SSUH2: variants seen among roughly 807,000 people sequenced by gnomAD.
The protein encoded by SSUH2 is protein SSUH2 homolog.
A neutral mutation model predicts 55.3 loss-of-function variants in SSUH2; 47 were observed. The ratio of observed to expected loss-of-function variants is 0.85; its 90% confidence interval spans 0.67 to 1.08. The LOEUF is 1.08. Among genes scored for constraint, SSUH2 ranks in the 50% least tolerant of loss-of-function variants. The probability of loss-of-function intolerance (pLI) is 0.00; values close to 1 mark genes in which losing one functional copy is unlikely to be tolerated. For synonymous variants in SSUH2, 212 were observed against 191.5 expected (o/e 1.11, Z -0.89); for missense variants, 535 against 490.7 (o/e 1.09, Z -0.85).
At chr3:8,675,752 G>C (rs1211474116) in intron 3 of SSUH2, among the ~76,000 whole-genome samples, 4 of 152,144 alleles carry the variant, frequency 2.6e-5, no homozygotes, top group Non-Finnish European at 5.9e-5. Context: ...CTGGGACCGG[G>C]AACCTTTGGA....
intron 6 of SSUH2, among the ~76,000 whole-genome samples, chr3:8,661,009 G>T (rs1703426558): frequency 1.3e-5 from 2 of 152,208 alleles, no homozygotes; most frequent in African/African-American, 4.8e-5. Flanking sequence ...AAGGGTAAAG[G>T]GTGACTCTGG....
chr3:8,642,482 T>C (rs547968041), intron 1 of SSUH2, among the ~76,000 whole-genome samples: 116 of 152,250 alleles, frequency 7.6e-4, no homozygotes, highest in African/African-American at 2.8e-3. Context: ...ACTATAGAAA[T>C]AGAACCAGAC....
chr3:8,625,678 A>G, intron 9 of SSUH2, 31 bp from the exon 10 acceptor site: 1 of 1,486,502 alleles, frequency 6.7e-7, no homozygotes, highest in Non-Finnish European at 9.4e-7. Flanking sequence ...GGATGAAAGC[A>G]CACAGTGTGG....
chr3:8,645,637 A>G (rs2125287632), upstream of SSUH2, among the ~76,000 whole-genome samples: 1 of 152,202 alleles, frequency 6.6e-6, no homozygotes, highest in African/African-American at 2.4e-5. Context: ...GGGTGATGAA[A>G]CTGCCCTACG....
intron 5 of SSUH2, among the ~76,000 whole-genome samples, chr3:8,667,404 TG>T (rs1483811758): frequency 2.6e-5 from 4 of 152,212 alleles, no homozygotes; most frequent in African/African-American, 9.6e-5. Flanking sequence ...AGGTCACTTT[TG>T]TCACCATCTT....
chr3:8,629,081 G>A (rs976914369), intron 7 of SSUH2, among the ~76,000 whole-genome samples: 2 of 152,048 alleles, frequency 1.3e-5, no homozygotes, highest in Non-Finnish European at 2.9e-5. Context: ...AGATGGTCTC[G>A]ATCTCTTGAC....
Position 8,678,724 on chromosome 3 carries a change from T to TA in SSUH2, c.-901+980_-901+981insT, listed in dbSNP as rs1553606719. On this transcript the variant is annotated intron_variant, in intron 2 of 18. Coordinates refer to the SSUH2 transcript ENST00000317371. ...CTCCTGGGTCTTAGGACCCCCAACGTGGGGGGGGGAGGCACCACACGCGAG... is the reference window on the plus strand; with the variant it reads ...CTCCTGGGTCTTAGGACCCCCAACGTAGGGGGGGGGAGGCACCACACGCGAG... Among the ~76,000 whole-genome samples, 13 of 19,336 alleles carry TA rather than the reference T, an allele frequency of 6.7e-4. 4 individuals are homozygous for TA. The highest frequency in any genetic ancestry group is 2.8e-3 in the South Asian group (1 of 354). 12.7% of individuals were successfully genotyped at this position (19,336 alleles called of 152,430 possible). A position where few individuals can be genotyped will look rare whatever the true frequency, so the allele number is the denominator to read the frequency against.
In SSUH2 at chr3:8,668,242, G is replaced by T. The variant is rs185687647; in HGVS notation, c.-455+2756C>A. Among the ~76,000 whole-genome samples the T allele has an allele frequency of 2.6e-5, 4 of 152,272 alleles. No homozygotes were observed. In the East Asian group the frequency reaches 5.8e-4, roughly 22 times the overall value. ...TTTCCCTGTAGCAAGAAATGAACCTGAGTATTCTAAGATCAGCATTCAAAT... is the reference window on the plus strand; with the variant it reads ...TTTCCCTGTAGCAAGAAATGAACCTTAGTATTCTAAGATCAGCATTCAAAT... On this transcript the variant is annotated intron_variant, in intron 5 of 18. Transcript: ENST00000317371.
chr3:8,629,704 C>G lies in SSUH2; in HGVS notation c.548G>C (p.Arg183Pro). The G allele has an allele frequency of 1.3e-6, 2 of 1,590,450 alleles. No individual in the cohort carries two copies. The highest frequency in any genetic ancestry group is 1.7e-6 in the Non-Finnish European group (2 of 1,161,078). Residue 183 changes from arginine to proline, a missense_variant, in exon 7 of 12, where the codon CGT (arginine) becomes CCT (proline). Arg to Pro is a moderately radical substitution (Grantham distance 103). Transcript: ENST00000544814. Reference sequence around the variant, plus strand: ...GCAGCCGCTGCACTTGTACCGCCCACGCCCATGGCATTTGTGGCATTCCTG... The same window carrying G: ...GCAGCCGCTGCACTTGTACCGCCCAGGCCCATGGCATTTGTGGCATTCCTG... ...LVKECHKCHG[R>P]GRYKCSGCHG...
intron 1 of SSUH2, among the ~76,000 whole-genome samples, chr3:8,638,009 T>C (rs933065858): frequency 1.3e-5 from 2 of 152,034 alleles, no homozygotes; most frequent in African/African-American, 4.8e-5. Flanking sequence ...TTTGTGAAAA[T>C]AGGTGGTGGG....
chr3:8,640,812 A>G (rs1022457110), intron 1 of SSUH2, among the ~76,000 whole-genome samples: 6 of 152,234 alleles, frequency 3.9e-5, no homozygotes, highest in Non-Finnish European at 8.8e-5. Flanking sequence ...GATTTGCTTT[A>G]AGTTATGTAG....
At chr3:8,676,295 A>C (rs115976746) in intron 3 of SSUH2, among the ~76,000 whole-genome samples, 10,406 of 152,092 alleles carry the variant, frequency 0.068, 443 homozygotes, top group Non-Finnish European at 0.1. Context: ...ACAGTATCAC[A>C]AGGGTGTTTC....
At chr3:8,646,405 C>G (rs139827253), upstream of SSUH2, among the ~76,000 whole-genome samples, 2 of 152,262 alleles carry the variant, frequency 1.3e-5, no homozygotes, top group East Asian at 1.9e-4. Context: ...CTTTAAATGT[C>G]AAATTGAACA....
intron 3 of SSUH2, among the ~76,000 whole-genome samples, chr3:8,674,223 G>C (rs1476124503): frequency 6.6e-6 from 1 of 152,234 alleles, no homozygotes; most frequent in Admixed American, 6.5e-5. Context: ...GCAAGGGAAG[G>C]GGGGCCCTGG....
chr3:8,662,393 C>T (rs1201673338), intron 6 of SSUH2, among the ~76,000 whole-genome samples: 1 of 152,196 alleles, frequency 6.6e-6, no homozygotes, highest in East Asian at 1.9e-4. Context: ...GACCTGGTCC[C>T]TCCTGAGGTC....
In SSUH2 at chr3:8,679,147, G is replaced by C. The variant is rs1319575331; in HGVS notation, c.-901+558C>G. Among the ~76,000 whole-genome samples the C allele has an allele frequency of 6.5e-5, 6 of 92,212 alleles. 3 individuals are homozygous for C. Among genetic ancestry groups the C allele is most frequent in the Non-Finnish European group, 1.5e-4 (6 of 39,708 alleles). 60.5% of individuals were successfully genotyped at this position (92,212 alleles called of 152,430 possible). A position where few individuals can be genotyped will look rare whatever the true frequency, so the allele number is the denominator to read the frequency against. On this transcript the variant is annotated intron_variant, in intron 2 of 18. Transcript: ENST00000317371. Reference sequence around the variant, plus strand: ...AATTGCGGGGGGGAGGCACCCCCGCGAGGCGGGGACTGAGAGGCAGCCGCT... The same window carrying C: ...AATTGCGGGGGGGAGGCACCCCCGCCAGGCGGGGACTGAGAGGCAGCCGCT...
chr3:8,645,784 C>T (rs115122854), upstream of SSUH2, among the ~76,000 whole-genome samples: 2,384 of 152,302 alleles, frequency 0.016, 57 homozygotes, highest in African/African-American at 0.054. Flanking sequence ...CTGGGATGGC[C>T]ACACTGCACA....
intron 11 of SSUH2, 74 bp from the exon 12 acceptor site, chr3:8,620,088 GCTCCCTACTGTGTGT>G: frequency 1.3e-6 from 2 of 1,527,038 alleles, no homozygotes; most frequent in Non-Finnish European, 1.8e-6. Flanking sequence ...ACTTTCAGTA[GCTCCCTACTGTGTGT>G]GGTATGAAAG....
chr3:8,627,696 ACCTTCGCCTG>A lies in SSUH2; in HGVS notation c.666_674+1del, dbSNP rs776228275. 2 of 1,579,942 alleles carry A rather than the reference ACCTTCGCCTG, an allele frequency of 1.3e-6. No homozygotes were observed. Among genetic ancestry groups the A allele is most frequent in the Non-Finnish European group, 1.7e-6 (2 of 1,162,506 alleles). On this transcript the variant is annotated splice_donor_variant and coding_sequence_variant, in exon 8 of 12. Coordinates refer to ENST00000544814, the MANE Select transcript of SSUH2 (RefSeq NM_001256748.3). LOFTEE classifies it high-confidence loss of function. ...ACCGCGGTGCTGGGGAGATGCCCCT[ACCTTCGCCTG>A]CCGGACCCCGCGCACAGCTGACATC... is the stretch of plus-strand genomic sequence containing the variant.
Sources: gnomAD v4.1 joint callset for allele counts (sites outside exome capture counted in the v4.1 genomes callset) on GRCh38, gnomAD v4.1.1 for gene constraint, MANE v1.5 for transcripts, NCBI Gene and HGNC (gene_info 2026-07-23, HGNC 2026-07-21) for gene names.